The following ALMS1 variants were observed in gnomAD, a reference collection of about 807,000 sequenced individuals.
ALMS1 encodes the protein ALMS1 centrosome and basal body associated protein, also known as centrosome-associated protein ALMS1.
In ALMS1, 271 loss-of-function variants were observed where a neutral mutation model predicts 352.2. The ratio of observed to expected loss-of-function variants is 0.77; its 90% CI spans 0.70 to 0.85. The LOEUF (loss-of-function observed/expected upper bound fraction) is 0.85, where lower values mean the gene tolerates loss of function less well. Among genes scored for constraint, ALMS1 ranks in the 40% least tolerant of loss-of-function variants. The pLI is 0.00. For synonymous variants in ALMS1, 1,865 were observed against 1,761.2 expected (o/e 1.06, Z -1.48); for missense variants, 5,445 against 4,870.7 (o/e 1.12, Z -3.51).
chr2:73,554,669 C>T (rs1451158148), intron 13 of ALMS1, among the ~76,000 whole-genome samples: 1 of 152,008 alleles, frequency 6.6e-6, no homozygotes, highest in Non-Finnish European at 1.5e-5. Context: ...GCCAAGATCA[C>T]GCCACTGCAC....
At chr2:73,485,390 G>A (rs933979001) in intron 9 of ALMS1, among the ~76,000 whole-genome samples, 1 of 152,212 alleles carries the variant, frequency 6.6e-6, no homozygotes, top group African/African-American at 2.4e-5. Flanking sequence ...GCTGCTCAGG[G>A]GTCAGGGGTC....
At chr2:73,484,372 T>G (rs1158469900) in intron 9 of ALMS1, among the ~76,000 whole-genome samples, 3 of 150,928 alleles carry the variant, frequency 2.0e-5, no homozygotes, top group South Asian at 2.1e-4. Flanking sequence ...GGTTGAAAAT[T>G]CTTTTCTTTA....
At chr2:73,432,465 T>C (rs1291564079) in intron 7 of ALMS1, among the ~76,000 whole-genome samples, 174 bp downstream of exon 7, 2 of 147,390 alleles carry the variant, frequency 1.4e-5, no homozygotes, top group African/African-American at 5.4e-5. Flanking sequence ...AAAAATATCT[T>C]AGTACTTTAA....
rs1205794437 is a variant in ALMS1 at position 73,549,578 on chromosome 2, A to G, written c.9908-689A>G. Among the ~76,000 whole-genome samples, 8 of 152,168 alleles carry G rather than the reference A, an allele frequency of 5.3e-5. 1 individual carries two copies. Among genetic ancestry groups the G allele is most frequent in the Admixed American group, 2.0e-4 (3 of 15,268 alleles). ...AATACTTCTTTTCTTTGCTTATGCT[A>G]TAACTTCTGCCTAAAATGCCTTTCT... On this transcript the variant is annotated intron_variant, in intron 12 of 22. Transcript: ENST00000613296.
intron 1 of ALMS1, among the ~76,000 whole-genome samples, chr2:73,404,384 T>A (rs1304011492): frequency 6.6e-6 from 1 of 152,344 alleles, no homozygotes; most frequent in East Asian, 1.9e-4. Context: ...GTTTTCAGTT[T>A]TTCACCATTG....
At position 73,515,768 on chromosome 2, in the gene ALMS1, TACACACAC is replaced by T. The variant is rs71406825; in HGVS notation, c.9540-3977_9540-3970del. 3.0e-3 allele frequency among the ~76,000 whole-genome samples: 428 copies of T among 141,580 alleles called. 1 individual carries two copies. The highest frequency in any genetic ancestry group is 9.4e-3 in the African/African-American group (361 of 38,416). The allele number at this position is 141,580 out of a possible 152,430, so 92.9% of individuals were successfully genotyped here. A position where few individuals can be genotyped will look rare whatever the true frequency, so the allele number is the denominator to read the frequency against. ...GACATTATCACTGACTCCACAGAAA[TACACACAC>T]ACACACACACACACACACACACACA... On this transcript the variant is annotated intron_variant, in intron 10 of 22. Transcript: ENST00000613296.
chr2:73,605,046 G>C (rs1158194517), intron 21 of ALMS1, among the ~76,000 whole-genome samples: 1 of 152,216 alleles, frequency 6.6e-6, no homozygotes, highest in African/African-American at 2.4e-5. Flanking sequence ...TTTGTGTCGT[G>C]AGCTGAACCA....
chr2:73,389,362 T>G (rs1670598028), intron 1 of ALMS1, among the ~76,000 whole-genome samples: 1 of 152,178 alleles, frequency 6.6e-6, no homozygotes, highest in South Asian at 2.1e-4. Context: ...ATGCATAGTT[T>G]GCAGATATTT....
intron 7 of ALMS1, among the ~76,000 whole-genome samples, chr2:73,447,337 A>C (rs1019065027): frequency 6.6e-6 from 1 of 152,126 alleles, no homozygotes. Context: ...TTGCCATGCT[A>C]TACAGAATTA....
chr2:73,547,632 G>T (rs1348302660), intron 12 of ALMS1, among the ~76,000 whole-genome samples: 1 of 152,168 alleles, frequency 6.6e-6, no homozygotes, highest in African/African-American at 2.4e-5. Flanking sequence ...TTAAAGATAG[G>T]TGGGTTCAAG....
Position 73,419,171 on chromosome 2 carries a change from A to G in ALMS1, c.499A>G (p.Thr167Ala). The G allele has an allele frequency of 6.2e-7, 1 of 1,614,062 alleles. No individual in the cohort carries two copies. Among genetic ancestry groups the G allele is most frequent in the Non-Finnish European group, 8.5e-7 (1 of 1,179,958 alleles). Residue 167 changes from threonine (T) to alanine (A), a missense_variant, in exon 3 of 23, where the codon ACC becomes GCC. Coordinates refer to ENST00000613296, the MANE Select transcript of ALMS1 (RefSeq NM_001378454.1). ...TCCTCAAGAAATGGACTCTTCCCAA[A>G]CCTTGGATACATCCCAGACTAGGTT... Reference protein sequence around the residue: ...CLPQEMDSSQTLDTSQTRFNV... With the variant: ...CLPQEMDSSQALDTSQTRFNV...
At chr2:73,518,394 C>A (rs1028453465) in intron 10 of ALMS1, among the ~76,000 whole-genome samples, 1 of 151,958 alleles carries the variant, frequency 6.6e-6, no homozygotes, top group African/African-American at 2.4e-5. Context: ...TGATTCATGT[C>A]TTTGTTATTG....
upstream of ALMS1, chr2:73,385,831 T>C (rs754016018): frequency 7.0e-4 from 247 of 355,348 alleles, 1 homozygote; most frequent in African/African-American, 1.9e-3. Context: ...CCTCCCCCCC[T>C]CCTCCTCCTC....
rs779166801 is a variant in ALMS1, at chr2:73,557,349, CT to C, written c.10209del (p.Ala3404GlnfsTer15). 1 of 1,614,088 alleles carries C rather than the reference CT, an allele frequency of 6.2e-7. No homozygotes were observed. The highest frequency in any genetic ancestry group is 1.1e-5 in the South Asian group (1 of 91,074). On this transcript the variant is annotated frameshift_variant, in exon 14 of 23. Coordinates refer to ENST00000613296, the MANE Select transcript of ALMS1 (RefSeq NM_001378454.1). LOFTEE classifies it high-confidence loss of function. ...GAAAAAGAATCTTTGCAGAAAGATACTGCAGGTAGCTAAACTGGATTGTCTG... is the reference window on the plus strand; with the variant it reads ...GAAAAAGAATCTTTGCAGAAAGATACGCAGGTAGCTAAACTGGATTGTCTG... ...AKEKESLQKDTADSSAAAAAE... is the reference protein window; with the variant it reads ...AKEKESLQKDXADSSAAAAAE...
chr2:73,455,203 T>C lies in ALMS1; in HGVS notation c.7582T>C (p.Ser2528Pro). Residue 2528 changes from serine (S) to proline (P), a missense_variant, in exon 9 of 23, where the codon TCC (serine) becomes CCC (proline). Physicochemically the swap from Ser to Pro is moderately conservative, Grantham distance 74. Transcript: ENST00000613296. The stretch of plus-strand genomic sequence containing the variant: ...CAATTTAGCACATGATTGTGGATAC[T>C]CCATTTCAGAATTAAATGAAGATGA... ...KFNLAHDCGY[S>P]ISELNEDDRR... 2.5e-6 allele frequency: 4 copies of C among 1,613,428 alleles called. No homozygotes were observed. The highest frequency in any genetic ancestry group is 3.4e-6 in the Non-Finnish European group (4 of 1,179,744).
chr2:73,422,670 T>G (rs1271249689), intron 3 of ALMS1, among the ~76,000 whole-genome samples, 187 bp from the exon 4 acceptor site: 5 of 152,200 alleles, frequency 3.3e-5, no homozygotes, highest in Non-Finnish European at 5.9e-5. Flanking sequence ...TATTGTGTGT[T>G]AAGCACCTGG....
chr2:73,462,575 C>T (rs1446428172), intron 9 of ALMS1, among the ~76,000 whole-genome samples: 3 of 152,206 alleles, frequency 2.0e-5, no homozygotes, highest in Non-Finnish European at 2.9e-5. Context: ...CAGCTAACAT[C>T]ATAATGACAG....
chr2:73,419,424 A>G (rs1671244493), intron 3 of ALMS1, 106 bp downstream of exon 3: 1 of 1,021,110 alleles, frequency 9.8e-7, no homozygotes, highest in Non-Finnish European at 1.5e-6. Flanking sequence ...AGCTCTGTAG[A>G]GACCTACTCA....
At chr2:73,412,074 G>A (rs1017534912) in intron 2 of ALMS1, among the ~76,000 whole-genome samples, 6 of 152,074 alleles carry the variant, frequency 3.9e-5, no homozygotes, top group Non-Finnish European at 7.4e-5. Context: ...AAAAAGTCAG[G>A]TTTATTGTAG....
Sources: gnomAD v4.1 joint callset for allele counts (sites outside exome capture counted in the v4.1 genomes callset) on GRCh38, gnomAD v4.1.1 for gene constraint, MANE v1.5 for transcripts, NCBI Gene and HGNC (gene_info 2026-07-23, HGNC 2026-07-21) for gene names.